The following VPS13B variants were observed in gnomAD, a reference collection of about 807,000 sequenced individuals.
VPS13B encodes the protein vacuolar protein sorting 13 homolog B.
A neutral mutation model predicts 426.4 loss-of-function variants in VPS13B; 285 were observed. That is an observed-to-expected ratio of 0.67 (90% CI 0.61 to 0.74). The LOEUF is 0.74. Among genes scored for constraint, VPS13B ranks in the 30% least tolerant of loss-of-function variants. The pLI is 0.00. For synonymous variants in VPS13B, 1,676 were observed against 1,676.4 expected, an observed-to-expected ratio of 1.00 and a Z score of 0.01; for missense variants, 4,537 against 4,782.6, an observed-to-expected ratio of 0.95 and a Z score of 1.51.
intron 40 of VPS13B, among the ~76,000 whole-genome samples, chr8:99,773,427 G>C (rs1019346400): frequency 1.3e-5 from 2 of 152,106 alleles, no homozygotes; most frequent in African/African-American, 4.8e-5. Flanking sequence ...TGGATCTTTA[G>C]GGATTGTGCC....
chr8:99,799,486 C>T (rs1327369071), intron 43 of VPS13B, among the ~76,000 whole-genome samples: 3 of 152,122 alleles, frequency 2.0e-5, no homozygotes, highest in Non-Finnish European at 4.4e-5. Context: ...TAAGAAGCAG[C>T]GGTTGCCATG....
intron 43 of VPS13B, among the ~76,000 whole-genome samples, chr8:99,803,754 A>G (rs1320895122): frequency 6.6e-6 from 1 of 152,234 alleles, no homozygotes; most frequent in African/African-American, 2.4e-5. Flanking sequence ...TTTTATGCTA[A>G]TTTAGTAGTG....
intron 21 of VPS13B, among the ~76,000 whole-genome samples, chr8:99,418,498 TC>T (rs1816176003): frequency 7.0e-6 from 1 of 143,004 alleles, no homozygotes; most frequent in African/African-American, 2.8e-5. Flanking sequence ...TTTCTTTCTT[TC>T]TTTCTTTCTT....
At position 99,556,433 on chromosome 8, in the gene VPS13B, T is replaced by C. The variant is rs753224515; in HGVS notation, c.4746-17T>C. On this transcript the variant is annotated splice_polypyrimidine_tract_variant and intron_variant, in intron 30 of 61. Transcript: ENST00000357162. Reference sequence around the variant, plus strand: ...GTTTTCTTGTTTTTATTTTTGTTTTTTTCGCTGCCTTTACAGGAGAGCCTT... The same window carrying C: ...GTTTTCTTGTTTTTATTTTTGTTTTCTTCGCTGCCTTTACAGGAGAGCCTT... The C allele has an allele frequency of 2.4e-5, 38 of 1,610,796 alleles. No homozygotes were observed. The South Asian group carries it at 3.6e-4, about 15-fold the overall frequency.
Position 99,038,567 on chromosome 8 carries a change from G to C in VPS13B, c.291+1G>C. 6.2e-7 allele frequency: 1 copy of C among 1,609,728 alleles called. No homozygotes were observed. Among genetic ancestry groups the C allele is most frequent in the Non-Finnish European group, 8.5e-7 (1 of 1,177,656 alleles). On this transcript the variant is annotated splice_donor_variant, in intron 3 of 61. Transcript: ENST00000357162. LOFTEE classifies it high-confidence loss of function. ...TTTGAAACTTAAGGATGGGATACAGGTAAGAAATTATTGAACCAAGTTGTT... is the reference window on the plus strand; with the variant it reads ...TTTGAAACTTAAGGATGGGATACAGCTAAGAAATTATTGAACCAAGTTGTT...
intron 19 of VPS13B, among the ~76,000 whole-genome samples, chr8:99,301,225 T>A (rs577273658): frequency 4.3e-4 from 65 of 151,212 alleles, no homozygotes; most frequent in African/African-American, 1.1e-3. Context: ...AAAAAAAAAA[T>A]TTTTTTTAAC....
intron 30 of VPS13B, among the ~76,000 whole-genome samples, chr8:99,555,135 C>T (rs1231793846): frequency 6.6e-6 from 1 of 152,080 alleles, no homozygotes; most frequent in Non-Finnish European, 1.5e-5. Flanking sequence ...CAGGTCTGCT[C>T]CTTGCTTCTC....
intron 33 of VPS13B, among the ~76,000 whole-genome samples, chr8:99,628,433 A>G (rs892651141): frequency 6.6e-6 from 1 of 152,186 alleles, no homozygotes; most frequent in African/African-American, 2.4e-5. Flanking sequence ...TCATAATGGT[A>G]TGTGTTGCTT....
intron 24 of VPS13B, among the ~76,000 whole-genome samples, chr8:99,477,337 CATCT>C (rs1477367277): frequency 6.6e-6 from 1 of 151,986 alleles, no homozygotes; most frequent in Non-Finnish European, 1.5e-5. Context: ...CTCATTTATC[CATCT>C]GTTTTTGTTG....
rs1826859915 is a variant in VPS13B, at chr8:99,594,054, C to T, written c.5220+16421C>T. On this transcript the variant is annotated intron_variant, in intron 33 of 61. Transcript: ENST00000357162. ...CTATGTGACAAACCTGCACATCCTG[C>T]ACATGTACCACTGAACTTAAACGTT... is the stretch of plus-strand genomic sequence containing the variant. Among the ~76,000 whole-genome samples the T allele has an allele frequency of 2.0e-5, 3 of 151,832 alleles. No individual in the cohort carries two copies. In the South Asian group the frequency reaches 6.2e-4, roughly 32 times the overall value.
At chr8:99,509,925 G>A (rs760112093) in intron 28 of VPS13B, among the ~76,000 whole-genome samples, 81 of 152,186 alleles carry the variant, frequency 5.3e-4, no homozygotes, top group Admixed American at 2.2e-3. Context: ...TTAAAAGCAT[G>A]CTGTTTTACT....
intron 42 of VPS13B, among the ~76,000 whole-genome samples, chr8:99,781,429 C>T (rs1018357475): frequency 6.6e-6 from 1 of 152,084 alleles, no homozygotes; most frequent in Non-Finnish European, 1.5e-5. Context: ...GTGGATAAGC[C>T]ATCTTTTAAT....
Position 99,875,810 on chromosome 8 carries a change from G to A in VPS13B, c.*144G>A. ...CCTCAACCCACAAGTAGCTACGACT[G>A]CAAGCACCTGCCACCATAAAGGGCT... On this transcript the variant is annotated 3_prime_UTR_variant, in exon 62 of 62. Transcript: ENST00000357162. 9.5e-7 allele frequency: 1 copy of A among 1,048,224 alleles called. No individual in the cohort carries two copies. Among genetic ancestry groups the A allele is most frequent in the Non-Finnish European group, 1.4e-6 (1 of 709,508 alleles). The allele number at this position is 1,048,224 out of a possible 1,614,324, so 64.9% of individuals were successfully genotyped here.
At chr8:99,283,887 T>C (rs1320217374) in intron 19 of VPS13B, among the ~76,000 whole-genome samples, 1 of 152,240 alleles carries the variant, frequency 6.6e-6, no homozygotes, top group Non-Finnish European at 1.5e-5. Flanking sequence ...ACATTGCCTT[T>C]TGAAAATGTT....
chr8:99,193,392 A>G (rs552082554), intron 17 of VPS13B, among the ~76,000 whole-genome samples: 3 of 152,288 alleles, frequency 2.0e-5, no homozygotes, highest in African/African-American at 4.8e-5. Flanking sequence ...ATGTTTGATT[A>G]TACTGGTAAA....
chr8:99,160,151 T>C (rs910442574), intron 15 of VPS13B, among the ~76,000 whole-genome samples: 1 of 152,150 alleles, frequency 6.6e-6, no homozygotes, highest in Admixed American at 6.5e-5. Flanking sequence ...CATCTGGTTA[T>C]GTAAAGTGAA....
chr8:99,380,036 GA>G (rs1322185608), intron 19 of VPS13B, among the ~76,000 whole-genome samples: 1 of 152,118 alleles, frequency 6.6e-6, no homozygotes, highest in African/African-American at 2.4e-5. Flanking sequence ...CATATTGGGG[GA>G]AAATTCTCTT....
chr8:99,078,939 G>A (rs1322862770), intron 3 of VPS13B, among the ~76,000 whole-genome samples: 4 of 152,052 alleles, frequency 2.6e-5, no homozygotes, highest in South Asian at 2.1e-4. Context: ...GTCTAGGCCC[G>A]CAGATAGTGC....
chr8:99,374,167 T>G (rs1427901197), intron 19 of VPS13B, among the ~76,000 whole-genome samples: 1 of 151,884 alleles, frequency 6.6e-6, no homozygotes, highest in Non-Finnish European at 1.5e-5. Context: ...TGTCTTTTTT[T>G]TTTCTTCTGG....
Sources: allele counts gnomAD v4.1 joint callset (sites outside exome capture counted in the v4.1 genomes callset), GRCh38; gene constraint gnomAD v4.1.1; transcripts MANE v1.5; gene names NCBI Gene and HGNC (gene_info 2026-07-23, HGNC 2026-07-21).